CSMD1: variants seen among roughly 807,000 people sequenced by gnomAD.
CSMD1 encodes the protein CUB and sushi domain-containing protein 1.
A neutral mutation model predicts 417.5 loss-of-function variants in CSMD1; 213 were observed. That is an observed-to-expected ratio of 0.51 (90% CI 0.46 to 0.57). The LOEUF (loss-of-function observed/expected upper bound fraction) is 0.57, where lower values mean the gene tolerates loss of function less well. CSMD1 is among the 20% of genes least tolerant of loss of function. CSMD1 has a pLI of 0.00. For synonymous variants in CSMD1, 2,862 were observed against 1,736.8 expected (o/e 1.65, Z -16.11); for missense variants, 6,923 against 4,529.7 (o/e 1.53, Z -15.17).
chr8:3,293,126 C>A (rs532649516), intron 25 of CSMD1, among the ~76,000 whole-genome samples: 2 of 139,176 alleles, frequency 1.4e-5, no homozygotes, highest in East Asian at 4.2e-4. Flanking sequence ...GTTGAAAATT[C>A]TTTCTTTTAA....
intron 10 of CSMD1, among the ~76,000 whole-genome samples, chr8:3,562,219 G>C (rs1283886886): frequency 6.6e-6 from 1 of 152,152 alleles, no homozygotes; most frequent in Non-Finnish European, 1.5e-5. Context: ...ATGTAGAATA[G>C]AGATTTGTAT....
chr8:3,690,250 T>C (rs557991796), intron 7 of CSMD1, among the ~76,000 whole-genome samples: 1 of 152,184 alleles, frequency 6.6e-6, no homozygotes, highest in Admixed American at 6.5e-5. Flanking sequence ...TCCCAGCTAC[T>C]TGGGAGGAGG....
chr8:4,892,549 T>C (rs1804189086), intron 1 of CSMD1, among the ~76,000 whole-genome samples: 1 of 152,110 alleles, frequency 6.6e-6, no homozygotes, highest in African/African-American at 2.4e-5. Flanking sequence ...TGTACTAGCG[T>C]TAGGTATTGC....
chr8:4,887,629 T>C (rs953748242), intron 1 of CSMD1, among the ~76,000 whole-genome samples: 1 of 152,052 alleles, frequency 6.6e-6, no homozygotes, highest in Admixed American at 6.5e-5. Flanking sequence ...TTGCTTTATT[T>C]TCAATATTTA....
At chr8:3,905,906 T>A (rs549083295) in intron 5 of CSMD1, among the ~76,000 whole-genome samples, 5 of 152,338 alleles carry the variant, frequency 3.3e-5, no homozygotes, top group African/African-American at 1.2e-4. Context: ...ATTTGCTCCT[T>A]TGCAATGGGC....
chr8:4,528,015 T>C (rs979965155), intron 2 of CSMD1, among the ~76,000 whole-genome samples: 1 of 152,128 alleles, frequency 6.6e-6, no homozygotes, highest in Non-Finnish European at 1.5e-5. Flanking sequence ...GGGTGTGGGA[T>C]CATGTCAGTG....
At chr8:3,321,603 T>C (rs1016084829) in intron 23 of CSMD1, among the ~76,000 whole-genome samples, 9 of 152,228 alleles carry the variant, frequency 5.9e-5, no homozygotes, top group African/African-American at 1.2e-4. Flanking sequence ...TTGTTTACTG[T>C]ATCCTCTGAG....
At chr8:4,495,344 G>C (rs974926827) in intron 2 of CSMD1, among the ~76,000 whole-genome samples, 1 of 152,208 alleles carries the variant, frequency 6.6e-6, no homozygotes, top group African/African-American at 2.4e-5. Flanking sequence ...GGGAGGCTGA[G>C]GCGGGCGGAT....
intron 30 of CSMD1, among the ~76,000 whole-genome samples, chr8:3,211,228 A>G (rs1797588297): frequency 6.6e-6 from 1 of 152,016 alleles, no homozygotes; most frequent in African/African-American, 2.4e-5. Flanking sequence ...TTTTTTTTGT[A>G]GAGGTGGGGT....
intron 1 of CSMD1, among the ~76,000 whole-genome samples, chr8:4,851,357 C>T (rs964811288): frequency 6.6e-6 from 1 of 152,042 alleles, no homozygotes; most frequent in Non-Finnish European, 1.5e-5. Context: ...CTCCTTCTTT[C>T]ACTGGCTTTC....
chr8:4,862,138 G>C (rs1273280750), intron 1 of CSMD1, among the ~76,000 whole-genome samples: 1 of 152,170 alleles, frequency 6.6e-6, no homozygotes, highest in Non-Finnish European at 1.5e-5. Context: ...TGGGGACAAG[G>C]AGGCATCAGG....
intron 3 of CSMD1, among the ~76,000 whole-genome samples, chr8:4,396,679 A>G (rs1478921470): frequency 1.3e-5 from 2 of 152,050 alleles, no homozygotes; most frequent in East Asian, 3.9e-4. Flanking sequence ...ACACACACCC[A>G]ATGGAATACC....
At chr8:3,396,415 G>A (rs368758686) in intron 16 of CSMD1, 34 bp from the exon 17 acceptor site, 20 of 1,465,262 alleles carry the variant, frequency 1.4e-5, no homozygotes, top group African/African-American at 4.2e-5. Context: ...GAAAAGACAT[G>A]CAGAACTGCC....
chr8:4,091,521 T>C (rs373711506), intron 3 of CSMD1, among the ~76,000 whole-genome samples: 2 of 152,248 alleles, frequency 1.3e-5, no homozygotes, highest in Admixed American at 6.5e-5. Context: ...AAGATAATTA[T>C]GTTAAAGCTG....
At chr8:4,773,114 A>G (rs971543406) in intron 1 of CSMD1, among the ~76,000 whole-genome samples, 11 of 152,164 alleles carry the variant, frequency 7.2e-5, no homozygotes, top group Non-Finnish European at 1.2e-4. Context: ...ATTTGCATAT[A>G]TATTACCAGT....
intron 5 of CSMD1, among the ~76,000 whole-genome samples, chr8:3,990,154 T>C (rs557177822): frequency 9.2e-5 from 14 of 152,334 alleles, no homozygotes; most frequent in Admixed American, 3.3e-4. Flanking sequence ...TACTTTTTTA[T>C]TGTTTCCAGG....
Position 4,830,450 on chromosome 8 carries a change from A to G in CSMD1, c.85+163882T>C, listed in dbSNP as rs115803736. The stretch of plus-strand genomic sequence containing the variant: ...TGGAGGAACACTTACCGTTTCAGAT[A>G]ATGACTTAGGATCTGTCTTTTTGCT... On this transcript the variant is annotated intron_variant, in intron 1 of 69. Coordinates refer to ENST00000635120, the MANE Select transcript of CSMD1 (RefSeq NM_033225.6). 5.3e-3 allele frequency among the ~76,000 whole-genome samples: 813 copies of G among 152,350 alleles called. 7 individuals are homozygous for G. Among genetic ancestry groups the G allele is most frequent in the African/African-American group, 0.018 (734 of 41,584 alleles).
intron 3 of CSMD1, among the ~76,000 whole-genome samples, chr8:4,287,383 G>A (rs1797117176): frequency 6.6e-6 from 1 of 152,200 alleles, no homozygotes; most frequent in Admixed American, 6.5e-5. Flanking sequence ...ACAATGTAAT[G>A]GAACAACATC....
At chr8:4,357,430 G>T (rs879455409) in intron 3 of CSMD1, among the ~76,000 whole-genome samples, 1 of 152,040 alleles carries the variant, frequency 6.6e-6, no homozygotes. Flanking sequence ...AATATTAAGA[G>T]TTTATATTTT....
Sources: gnomAD v4.1 joint callset for allele counts (sites outside exome capture counted in the v4.1 genomes callset) on GRCh38, gnomAD v4.1.1 for gene constraint, MANE v1.5 for transcripts, NCBI Gene and HGNC (gene_info 2026-07-23, HGNC 2026-07-21) for gene names.